F8: variants seen among roughly 807,000 people sequenced by gnomAD.
The protein encoded by F8 is antihemophilic factor.
F8 carries 12 observed loss-of-function variants against 140.6 expected under a neutral mutation model. The ratio of observed to expected loss-of-function variants is 0.09; its 90% CI spans 0.05 to 0.14. F8 has a LOEUF of 0.14. F8 is among the 10% of genes least tolerant of loss of function. The pLI, the probability that F8 is intolerant of heterozygous loss-of-function variation, is 1.00. For missense variants in F8, 1,354 were observed against 1,720.7 expected, an observed-to-expected ratio of 0.79 and a Z score of 3.77; for synonymous variants, 585 against 614.6, an observed-to-expected ratio of 0.95 and a Z score of 0.71.
Position 154,972,707 on chromosome X carries a change from C to CTTTTTTTTTTTTTTTT in F8, c.788-3171_788-3156dup, listed in dbSNP as rs1184930129. On this transcript the variant is annotated intron_variant, in intron 6 of 25. Coordinates refer to ENST00000360256, the MANE Select transcript of F8 (RefSeq NM_000132.4). ...GTTCTTTTCTTTTCTTTCTGTCTTT[C>CTTTTTTTTTTTTTTTT]TTTTTTTTTTTTTTTTTTTTTTTTT... Among the ~76,000 whole-genome samples the CTTTTTTTTTTTTTTTT allele has an allele frequency of 7.2e-5, 4 of 55,268 alleles. 1 individual carries two copies. Among genetic ancestry groups the CTTTTTTTTTTTTTTTT allele is most frequent in the African/African-American group, 2.0e-4 (3 of 14,645 alleles). 48.0% of individuals were successfully genotyped at this position (55,268 alleles called of 115,157 possible).
intron 13 of F8, 29 bp downstream of exon 13, chrX:154,947,669 G>A (rs1357632949): frequency 2.7e-6 from 3 of 1,128,242 alleles, no homozygotes; most frequent in Non-Finnish European, 3.7e-6. Context: ...ATTCACAGCT[G>A]TTGGTACAAG....
chrX:154,947,218 C>T (rs1461765221), intron 13 of F8, among the ~76,000 whole-genome samples: 1 of 85,677 alleles, frequency 1.2e-5, no homozygotes, highest in Non-Finnish European at 2.2e-5. Flanking sequence ...GAGCGAGACT[C>T]CGTCTGAAAA....
rs782777398 is a variant in F8 at position 154,931,240 on chromosome X, C to A, written c.2550G>T (p.Leu850=). The A allele has an allele frequency of 4.5e-5, 55 of 1,209,203 alleles. No homozygotes were observed. In the Middle Eastern group the frequency reaches 1.8e-3, roughly 40 times the overall value. The change falls in exon 14 of 26, where the codon CTG becomes CTT. Residue 850 remains leucine (L), a synonymous_variant. Coordinates refer to ENST00000360256, the MANE Select transcript of F8 (RefSeq NM_000132.4). ...GTGGCCTGAAGTGTGTCATTTCAGA[C>A]AGGCTGTTATTACTGTCTATTGCTC... ...SPGAIDSNNS[L]SEMTHFRPQL...
chrX:154,968,405 T>C (rs1218855632), intron 7 of F8, among the ~76,000 whole-genome samples: 1 of 111,501 alleles, frequency 9.0e-6, no homozygotes, highest in Non-Finnish European at 1.9e-5. Context: ...TAAATTTCTG[T>C]CCATTATAAA....
At position 154,931,425 on chromosome X, in the gene F8, C is replaced by G; in HGVS notation, c.2365G>C (p.Asp789His). 2 of 1,210,553 alleles carry G rather than the reference C, an allele frequency of 1.7e-6. No individual in the cohort carries two copies. The highest frequency in any genetic ancestry group is 2.2e-6 in the Non-Finnish European group (2 of 894,287). The change falls in exon 14 of 26, where the codon GAC becomes CAC. Residue 789 changes from aspartate to histidine, a missense_variant. Asp to His is a moderately conservative substitution (Grantham distance 81). Around this residue, in one of 4 missense-constraint regions of F8, gnomAD observed 658 missense variants for 666.5 expected, o/e 0.99. Coordinates refer to ENST00000360256, the MANE Select transcript of F8 (RefSeq NM_000132.4). Reference protein sequence around the residue: ...TIPENDIEKTDPWFAHRTPMP... With the variant: ...TIPENDIEKTHPWFAHRTPMP... ...GGTGTTCTGTGTGCAAACCAAGGGT[C>G]AGTCTTCTCTATGTCATTTTCTGGA... is the stretch of plus-strand genomic sequence containing the variant.
chrX:154,929,338 A>G lies in F8; in HGVS notation c.4452T>C (p.Ser1484=). 8.3e-7 allele frequency: 1 copy of G among 1,211,974 alleles called. No homozygotes were observed. Among genetic ancestry groups the G allele is most frequent in the Non-Finnish European group, 1.1e-6 (1 of 895,549 alleles). ...TCTTGTATGTGACTGAATTTGTGGC[A>G]CTTGTCCCCAGGGAGCCAACCTCTC... ...DQREVGSLGT[S]ATNSVTYKKV... Residue 1484 remains serine, a synonymous_variant, in exon 14 of 26, where the codon AGT becomes AGC. Transcript: ENST00000360256.
intron 1 of F8, among the ~76,000 whole-genome samples, chrX:155,017,369 TG>T (rs2073738977): frequency 8.9e-6 from 1 of 112,281 alleles, no homozygotes; most frequent in South Asian, 3.7e-4. Context: ...AGACAGTAAA[TG>T]GGTCTGTCAT....
chrX:154,842,844 C>T (rs1557271423), intron 25 of F8, among the ~76,000 whole-genome samples: 5 of 111,284 alleles, frequency 4.5e-5, no homozygotes, highest in Admixed American at 2.9e-4. Context: ...ATGTGCACAA[C>T]GTGCAGGTTT....
At chrX:154,923,909 T>C (rs782433769) in intron 14 of F8, among the ~76,000 whole-genome samples, 1 of 110,997 alleles carries the variant, frequency 9.0e-6, no homozygotes, top group East Asian at 2.8e-4. Flanking sequence ...GAGGTGGAGG[T>C]TGCAGTGAGC....
intron 1 of F8, among the ~76,000 whole-genome samples, chrX:155,006,225 T>C (rs2073676169): frequency 9.8e-6 from 1 of 102,155 alleles, no homozygotes; most frequent in African/African-American, 3.7e-5. Flanking sequence ...GCACACAAGA[T>C]TGGCAGAAAA....
Position 154,928,595 on chromosome X carries a change from C to G in F8, c.5195G>C (p.Ser1732Thr), listed in dbSNP as rs782018961. 2.5e-6 allele frequency: 3 copies of G among 1,209,458 alleles called. No individual in the cohort carries two copies. The highest frequency in any genetic ancestry group is 3.4e-6 in the Non-Finnish European group (3 of 893,341). ...CCTGTTTCTTAGAACATGTGGGGAGCTACTCATCCCATAATCCCAGAGCCT... is the reference window on the plus strand; with the variant it reads ...CCTGTTTCTTAGAACATGTGGGGAGGTACTCATCCCATAATCCCAGAGCCT... ...VERLWDYGMSSSPHVLRNRAQ... is the reference protein window; with the variant it reads ...VERLWDYGMSTSPHVLRNRAQ... Residue 1732 changes from serine (S) to threonine (T), a missense_variant, in exon 14 of 26, where the codon AGC becomes ACC. Around this residue, in one of 4 missense-constraint regions of F8, gnomAD observed 316 missense variants for 485.4 expected, o/e 0.65. Coordinates refer to ENST00000360256, the MANE Select transcript of F8 (RefSeq NM_000132.4).
intron 14 of F8, among the ~76,000 whole-genome samples, chrX:154,923,516 G>C (rs1436556844): frequency 8.9e-6 from 1 of 111,894 alleles, no homozygotes; most frequent in African/African-American, 3.3e-5. Context: ...TAGTGAATAA[G>C]TCTCATGAGA....
chrX:154,980,515 T>C (rs782000732), intron 6 of F8, among the ~76,000 whole-genome samples: 1 of 112,404 alleles, frequency 8.9e-6, no homozygotes, highest in African/African-American at 3.2e-5. Context: ...TGGCACGATT[T>C]TTTGTTCATT....
chrX:154,923,943 C>A, intron 14 of F8, among the ~76,000 whole-genome samples: 1 of 111,213 alleles, frequency 9.0e-6, no homozygotes, highest in African/African-American at 3.3e-5. Flanking sequence ...CTGACTCCAG[C>A]CTGCGTGACA....
intron 10 of F8, among the ~76,000 whole-genome samples, chrX:154,959,500 A>G (rs2073384871): frequency 8.9e-6 from 1 of 112,850 alleles, no homozygotes; most frequent in South Asian, 3.7e-4. Context: ...AAAAGAAAAC[A>G]AAGTCTTACT....
intron 12 of F8, 58 bp from the exon 13 acceptor site, chrX:154,947,965 T>C: frequency 1.1e-6 from 1 of 917,426 alleles, no homozygotes; most frequent in South Asian, 2.0e-5. Flanking sequence ...TATTTTGGAT[T>C]GTGATTGTCA....
intron 13 of F8, among the ~76,000 whole-genome samples, chrX:154,935,981 AACACACACACACAC>A (rs782071576): frequency 1.6e-4 from 14 of 88,325 alleles, no homozygotes; most frequent in South Asian, 1.1e-3. Flanking sequence ...ATGCCAAAGT[AACACACACACACAC>A]ACACACACAC....
chrX:154,992,177 A>C (rs781994608), intron 4 of F8, among the ~76,000 whole-genome samples: 49 of 111,786 alleles, frequency 4.4e-4, no homozygotes, highest in African/African-American at 1.5e-3. Flanking sequence ...ACACACTTAG[A>C]TAGGCCACCA....
chrX:154,966,090 C>T lies in F8; in HGVS notation c.1323G>A (p.Lys441=). Residue 441 remains lysine, a synonymous_variant, in exon 9 of 26, where the codon AAG becomes AAA. Transcript: ENST00000360256. ...ATGCCATAAATCGGACTTTTTTGTA[C>T]TTCCTACCAATCCGCTGAGGGCCAT... ...LNNGPQRIGR[K]YKKVRFMAYT... 2 of 1,210,786 alleles carry T rather than the reference C, an allele frequency of 1.7e-6. No individual in the cohort carries two copies. The highest frequency in any genetic ancestry group is 1.1e-6 in the Non-Finnish European group (1 of 894,840).
Sources: allele counts gnomAD v4.1 joint callset (sites outside exome capture counted in the v4.1 genomes callset), GRCh38; gene constraint gnomAD v4.1.1; regional missense constraint gnomAD v4.1.1; transcripts MANE v1.5; gene names NCBI Gene and HGNC (gene_info 2026-07-23, HGNC 2026-07-21).